CCDC134: variants seen among roughly 807,000 people sequenced by gnomAD.
CCDC134 encodes coiled-coil domain containing 134, also known as coiled-coil domain-containing protein 134.
A neutral mutation model predicts 25.6 loss-of-function variants in CCDC134; 27 were observed. The observed-to-expected ratio is 1.05, with a 90% CI of 0.78 to 1.45. CCDC134 has a LOEUF of 1.45. Among genes scored for constraint, CCDC134 ranks in the 40% most tolerant of loss-of-function variants. The pLI is 0.00. For missense variants in CCDC134, 261 were observed against 286.7 expected, an observed-to-expected ratio of 0.91 and a Z score of 0.65; for synonymous variants, 110 against 115.0, an observed-to-expected ratio of 0.96 and a Z score of 0.28.
At chr22:41,824,121 C>A (rs555306118) in intron 6 of CCDC134, among the ~76,000 whole-genome samples, 85 of 152,200 alleles carry the variant, frequency 5.6e-4, no homozygotes, top group African/African-American at 2.0e-3. Flanking sequence ...TCTGGGAGGG[C>A]GATGGGCACA....
In CCDC134 at chr22:41,809,934, G is replaced by C; in HGVS notation, c.159G>C (p.Leu53=). The change falls in exon 3 of 7, where the codon CTG becomes CTC. Residue 53 remains leucine, a synonymous_variant. Transcript: ENST00000255784. The stretch of plus-strand genomic sequence containing the variant: ...AGCAGCTGTTGGCACTGAAGAACCT[G>C]GCACAGCTGAACGACATCCACCAGC... ...RREQLLALKN[L]AQLNDIHQQY... The C allele has an allele frequency of 6.2e-7, 1 of 1,614,120 alleles. No individual in the cohort carries two copies. Among genetic ancestry groups the C allele is most frequent in the Non-Finnish European group, 8.5e-7 (1 of 1,179,998 alleles).
At chr22:41,810,032 G>T in intron 3 of CCDC134, 32 bp downstream of exon 3, 1 of 1,612,850 alleles carries the variant, frequency 6.2e-7, no homozygotes, top group Non-Finnish European at 8.5e-7. Context: ...CTCATGGCAG[G>T]TCCAGTCTTT....
intron 6 of CCDC134, among the ~76,000 whole-genome samples, chr22:41,819,963 T>TATATATATATATATATATA (rs57794600): frequency 3.6e-5 from 3 of 82,618 alleles, no homozygotes; most frequent in African/African-American, 6.1e-5. Flanking sequence ...ACTTACCACT[T>TATATATATATATATATATA]TATATATATA....
At chr22:41,810,785 C>T (rs1004149324) in intron 4 of CCDC134, among the ~76,000 whole-genome samples, 9 of 152,288 alleles carry the variant, frequency 5.9e-5, no homozygotes, top group African/African-American at 1.7e-4. Flanking sequence ...AGAGCCACTG[C>T]ACCCGGCCAC....
At position 41,813,364 on chromosome 22, in the gene CCDC134, C is replaced by T; in HGVS notation, c.411C>T (p.Asn137=). ...HYYFDHNSNW[N]LLIRWGISFC... ...ACTTTGACCACAACTCCAACTGGAA[C>T]CTCCTCATCCGCTGGGGTATCAGTT... Residue 137 remains asparagine (N), a synonymous_variant, in exon 5 of 7, where the codon AAC becomes AAT. Transcript: ENST00000255784. The T allele has an allele frequency of 6.2e-7, 1 of 1,614,200 alleles. No homozygotes were observed. Among genetic ancestry groups the T allele is most frequent in the Non-Finnish European group, 8.5e-7 (1 of 1,180,034 alleles).
Position 41,807,087 on chromosome 22 carries a change from G to A in CCDC134, c.-16-1788G>A, listed in dbSNP as rs2076571454. On this transcript the variant is annotated intron_variant, in intron 1 of 6. Coordinates refer to ENST00000255784, the MANE Select transcript of CCDC134 (RefSeq NM_024821.5). ...AAACAAAAACTAGTGCCTTCAACTGGGGAATACCTGGCTCTTAGTTAAAAG... is the reference window on the plus strand; with the variant it reads ...AAACAAAAACTAGTGCCTTCAACTGAGGAATACCTGGCTCTTAGTTAAAAG... Among the ~76,000 whole-genome samples, 2 of 152,028 alleles carry A rather than the reference G, an allele frequency of 1.3e-5. 1 individual carries two copies. The highest frequency in any genetic ancestry group is 3.9e-4 in the East Asian group (2 of 5,194).
intron 1 of CCDC134, among the ~76,000 whole-genome samples, chr22:41,803,375 C>G (rs924117236): frequency 3.9e-5 from 6 of 152,122 alleles, no homozygotes; most frequent in African/African-American, 1.4e-4. Context: ...TTTGGCTGTT[C>G]CATAGGCATT....
At chr22:41,808,234 A>G (rs1009691970) in intron 1 of CCDC134, among the ~76,000 whole-genome samples, 1 of 152,110 alleles carries the variant, frequency 6.6e-6, no homozygotes, top group Non-Finnish European at 1.5e-5. Flanking sequence ...TATTCTATGT[A>G]GTACCTATGG....
chr22:41,831,674 C>T lies in CCDC134; in HGVS notation c.*5851C>T, dbSNP rs569516010. Reference sequence around the variant, plus strand: ...TTAGGTTTCATCTTAAATGTCACTTCTTCAGAGGCTTCTTGACAGCACAAG... The same window carrying T: ...TTAGGTTTCATCTTAAATGTCACTTTTTCAGAGGCTTCTTGACAGCACAAG... On this transcript the variant is annotated 3_prime_UTR_variant, in exon 7 of 7. Coordinates refer to ENST00000255784, the MANE Select transcript of CCDC134 (RefSeq NM_024821.5). 1 of 152,362 alleles carries T rather than the reference C, an allele frequency of 6.6e-6. No individual in the cohort carries two copies. The highest frequency in any genetic ancestry group is 2.1e-4 in the South Asian group (1 of 4,824). 9.4% of individuals were successfully genotyped at this position (152,362 alleles called of 1,614,324 possible).
chr22:41,814,220 G>A (rs886747692), intron 6 of CCDC134, among the ~76,000 whole-genome samples: 58 of 152,296 alleles, frequency 3.8e-4, no homozygotes, highest in African/African-American at 1.3e-3. Context: ...CATTCCAGGG[G>A]TTCCAGGGGG....
chr22:41,810,065 CAG>C, intron 3 of CCDC134, 65 bp downstream of exon 3: 1 of 1,605,992 alleles, frequency 6.2e-7, no homozygotes, highest in South Asian at 1.1e-5. Flanking sequence ...GATGGGTAAA[CAG>C]GAGTTCCCTA....
chr22:41,809,167 G>A (rs771348342), intron 2 of CCDC134, among the ~76,000 whole-genome samples, 174 bp downstream of exon 2: 7 of 152,282 alleles, frequency 4.6e-5, no homozygotes, highest in South Asian at 2.1e-4. Flanking sequence ...CAGCTTCCGC[G>A]TATGGTAAAT....
At chr22:41,823,777 C>T (rs2076663289) in intron 6 of CCDC134, among the ~76,000 whole-genome samples, 2 of 152,182 alleles carry the variant, frequency 1.3e-5, no homozygotes, top group Admixed American at 1.3e-4. Context: ...GTAGACATAC[C>T]AGTGAACCCA....
rs1385325548 is a variant in CCDC134, at chr22:41,813,406, C to T, written c.453C>T (p.Gly151=). 7.4e-6 allele frequency: 12 copies of T among 1,614,094 alleles called. No homozygotes were observed. The highest frequency in any genetic ancestry group is 2.2e-5 in the East Asian group (1 of 44,896). ...GTATCAGTTTCTGCAACCAGACAGGCGTCTTCAACCAGGGGCCCCACTCGC... is the reference window on the plus strand; with the variant it reads ...GTATCAGTTTCTGCAACCAGACAGGTGTCTTCAACCAGGGGCCCCACTCGC... The part of the protein sequence containing the change: ...RWGISFCNQT[G]VFNQGPHSPI... The change falls in exon 5 of 7, where the codon GGC becomes GGT. Residue 151 remains glycine (G), a synonymous_variant. Transcript: ENST00000255784.
In CCDC134 at chr22:41,827,986, G is replaced by A. The variant is rs892855180; in HGVS notation, c.*2163G>A. Among the ~76,000 whole-genome samples, 5 of 152,240 alleles carry A rather than the reference G, an allele frequency of 3.3e-5. No individual in the cohort carries two copies. The highest frequency in any genetic ancestry group is 7.3e-5 in the Non-Finnish European group (5 of 68,040). ...AACTTTCTAAGAACCAGGCCTGGTT[G>A]GCAGCAGACCTAGCTTTCTTGGGGT... On this transcript the variant is annotated 3_prime_UTR_variant, in exon 7 of 7. Transcript: ENST00000255784.
chr22:41,826,019 G>A lies in CCDC134; in HGVS notation c.*196G>A, dbSNP rs1232270040. The A allele has an allele frequency of 1.5e-6, 1 of 652,490 alleles. No homozygotes were observed. The highest frequency in any genetic ancestry group is 2.6e-6 in the Non-Finnish European group (1 of 382,936). 40.4% of individuals were successfully genotyped at this position (652,490 alleles called of 1,614,324 possible). A position where few individuals can be genotyped will look rare whatever the true frequency, so the allele number is the denominator to read the frequency against. On this transcript the variant is annotated 3_prime_UTR_variant, in exon 7 of 7. Transcript: ENST00000255784. Reference sequence around the variant, plus strand: ...CAGATGGCTGGATTTTCTCTCAGGGGCCTCCTGCTGAAGGGGCCTTCAGAG... The same window carrying A: ...CAGATGGCTGGATTTTCTCTCAGGGACCTCCTGCTGAAGGGGCCTTCAGAG...
In CCDC134 at chr22:41,829,595, A is replaced by T. The variant is rs1378270122; in HGVS notation, c.*3772A>T. ...TAATATCTGAACTGAATCCTGAAAG[A>T]TTAGGGGAAGAGGAAGAAAAGGACA... On this transcript the variant is annotated 3_prime_UTR_variant, in exon 7 of 7. Coordinates refer to ENST00000255784, the MANE Select transcript of CCDC134 (RefSeq NM_024821.5). Among the ~76,000 whole-genome samples the T allele has an allele frequency of 6.6e-6, 1 of 152,192 alleles. No homozygotes were observed. Among genetic ancestry groups the T allele is most frequent in the East Asian group, 1.9e-4 (1 of 5,194 alleles).
chr22:41,822,256 T>C (rs758269917), intron 6 of CCDC134, among the ~76,000 whole-genome samples: 9 of 152,146 alleles, frequency 5.9e-5, no homozygotes, highest in Non-Finnish European at 1.3e-4. Flanking sequence ...GATGCATTTT[T>C]GCAGAGCAGG....
At chr22:41,807,561 CAA>C (rs34676090) in intron 1 of CCDC134, among the ~76,000 whole-genome samples, 14 of 132,032 alleles carry the variant, frequency 1.1e-4, no homozygotes, top group Non-Finnish European at 8.1e-5. Flanking sequence ...GACCCTGTCT[CAA>C]AAAAAAAAAA....
Sources: gnomAD v4.1 joint callset for allele counts (sites outside exome capture counted in the v4.1 genomes callset) on GRCh38, gnomAD v4.1.1 for gene constraint, MANE v1.5 for transcripts, NCBI Gene and HGNC (gene_info 2026-07-23, HGNC 2026-07-21) for gene names.